The following DLG2 variants were observed in gnomAD, a reference collection of about 807,000 sequenced individuals.
The protein encoded by DLG2 is discs large MAGUK scaffold protein 2, also known as disks large homolog 2.
Under a neutral mutation model 132.5 loss-of-function variants are expected in DLG2, and 45 were observed. The ratio of observed to expected loss-of-function variants is 0.34; its 90% CI spans 0.27 to 0.44. The LOEUF (loss-of-function observed/expected upper bound fraction) is 0.44, where lower values mean the gene tolerates loss of function less well. Among genes scored for constraint, DLG2 ranks in the 20% least tolerant of loss-of-function variants. The pLI is 1.00. For missense variants in DLG2, 1,045 were observed against 1,196.9 expected, an observed-to-expected ratio of 0.87 and a Z score of 1.87; for synonymous variants, 424 against 419.6, an observed-to-expected ratio of 1.01 and a Z score of -0.13.
chr11:84,706,151 C>T (rs1203750624), intron 6 of DLG2, among the ~76,000 whole-genome samples: 3 of 151,728 alleles, frequency 2.0e-5, no homozygotes, highest in African/African-American at 4.8e-5. Context: ...CCTTGGATAG[C>T]GTCCATACCA....
chr11:85,232,266 G>A (rs2075341266), intron 4 of DLG2, among the ~76,000 whole-genome samples: 1 of 151,770 alleles, frequency 6.6e-6, no homozygotes, highest in African/African-American at 2.4e-5. Flanking sequence ...ATAAAAGTAG[G>A]TCTGATATAC....
At chr11:83,490,355 CTGAT>C (rs2093769531) in intron 21 of DLG2, among the ~76,000 whole-genome samples, 1 of 151,896 alleles carries the variant, frequency 6.6e-6, no homozygotes, top group African/African-American at 2.4e-5. Flanking sequence ...TGAGTTCACT[CTGAT>C]TACCAAAAAT....
At chr11:84,978,274 C>T (rs950813870) in intron 6 of DLG2, among the ~76,000 whole-genome samples, 2 of 152,130 alleles carry the variant, frequency 1.3e-5, no homozygotes, top group South Asian at 4.1e-4. Context: ...CATCAAGCTA[C>T]CAATGACTTT....
chr11:83,552,425 A>T (rs1457366815), intron 19 of DLG2, among the ~76,000 whole-genome samples: 1 of 152,160 alleles, frequency 6.6e-6, no homozygotes, highest in Non-Finnish European at 1.5e-5. Context: ...GTTGAGTCTC[A>T]TATGTGCTAT....
rs145772332 is a variant in DLG2 at position 84,991,326 on chromosome 11, T to C, written c.357+120335A>G. On this transcript the variant is annotated intron_variant, in intron 6 of 27. Coordinates refer to ENST00000376104, the MANE Select transcript of DLG2 (RefSeq NM_001142699.3). The stretch of plus-strand genomic sequence containing the variant: ...GGAGTTTGAGATGGCCTGGGCAAAA[T>C]TGCAAAACCCCGTCTCTACAAACAA... 7.5e-4 allele frequency among the ~76,000 whole-genome samples: 114 copies of C among 151,434 alleles called. 1 individual carries two copies. Among genetic ancestry groups the C allele is most frequent in the African/African-American group, 2.3e-3 (97 of 41,318 alleles).
intron 8 of DLG2, among the ~76,000 whole-genome samples, chr11:84,207,519 C>A (rs1358689955): frequency 6.6e-6 from 1 of 151,954 alleles, no homozygotes; most frequent in Non-Finnish European, 1.5e-5. Flanking sequence ...TTGACAAAGG[C>A]GCCAATGGCA....
chr11:84,691,656 CT>C (rs372270141), intron 6 of DLG2, among the ~76,000 whole-genome samples: 11 of 147,488 alleles, frequency 7.5e-5, no homozygotes, highest in African/African-American at 1.5e-4. Flanking sequence ...TTCAGTTTAG[CT>C]TTTTTTTTTC....
intron 5 of DLG2, among the ~76,000 whole-genome samples, chr11:85,147,924 C>T (rs1049378495): frequency 1.3e-5 from 2 of 151,842 alleles, no homozygotes; most frequent in Non-Finnish European, 2.9e-5. Flanking sequence ...CCCTGACTGG[C>T]CCTGGTGTGT....
At chr11:84,211,867 A>C (rs531199350) in intron 8 of DLG2, among the ~76,000 whole-genome samples, 1 of 152,324 alleles carries the variant, frequency 6.6e-6, no homozygotes, top group Non-Finnish European at 1.5e-5. Flanking sequence ...TATTTATCAA[A>C]ATTAGAGTAG....
chr11:84,255,481 G>A (rs1318871388), intron 7 of DLG2, among the ~76,000 whole-genome samples: 4 of 151,984 alleles, frequency 2.6e-5, no homozygotes, highest in Non-Finnish European at 5.9e-5. Context: ...CTGCCACCAC[G>A]CCTGGCTAAT....
intron 18 of DLG2, among the ~76,000 whole-genome samples, chr11:83,683,531 G>A (rs1355190333): frequency 1.3e-5 from 2 of 152,156 alleles, no homozygotes; most frequent in Non-Finnish European, 2.9e-5. Flanking sequence ...AGGATAAAAA[G>A]ATAAGTTTTG....
chr11:83,850,904 C>T (rs912272872), intron 16 of DLG2, among the ~76,000 whole-genome samples: 9 of 152,042 alleles, frequency 5.9e-5, no homozygotes, highest in East Asian at 3.9e-4. Flanking sequence ...AGGCCGGGCG[C>T]GGTGGCTCAC....
At chr11:85,194,653 G>T (rs1436593160) in intron 4 of DLG2, among the ~76,000 whole-genome samples, 2 of 151,480 alleles carry the variant, frequency 1.3e-5, no homozygotes, top group East Asian at 3.9e-4. Flanking sequence ...AGTATGGGAG[G>T]ATTGTGGCAT....
intron 2 of DLG2, among the ~76,000 whole-genome samples, chr11:85,604,177 A>G (rs1224371861): frequency 2.0e-5 from 3 of 152,240 alleles, no homozygotes; most frequent in Non-Finnish European, 4.4e-5. Context: ...AATTTGACAC[A>G]TAAAAAATGC....
At chr11:84,840,542 A>G (rs11069618) in intron 6 of DLG2, among the ~76,000 whole-genome samples, 2 of 152,086 alleles carry the variant, frequency 1.3e-5, no homozygotes, top group African/African-American at 4.8e-5. Context: ...ACATGCACAC[A>G]TATGTTTATT....
At chr11:85,565,067 A>C (rs2077455789) in intron 3 of DLG2, among the ~76,000 whole-genome samples, 2 of 151,960 alleles carry the variant, frequency 1.3e-5, no homozygotes, top group Non-Finnish European at 2.9e-5. Flanking sequence ...CTGTATATTG[A>C]TCTTGTATCC....
intron 11 of DLG2, among the ~76,000 whole-genome samples, chr11:84,008,393 T>C (rs938061694): frequency 6.6e-6 from 1 of 152,066 alleles, no homozygotes; most frequent in Non-Finnish European, 1.5e-5. Context: ...TGTAACAGAA[T>C]GTATGAAGTT....
At chr11:83,966,600 C>T (rs879309024) in intron 12 of DLG2, among the ~76,000 whole-genome samples, 8 of 151,820 alleles carry the variant, frequency 5.3e-5, no homozygotes, top group Non-Finnish European at 1.0e-4. Flanking sequence ...CTAGGTTATC[C>T]GTATCTGGCT....
chr11:85,032,028 C>A (rs1339729938), intron 6 of DLG2, among the ~76,000 whole-genome samples: 1 of 137,668 alleles, frequency 7.3e-6, no homozygotes, highest in African/African-American at 2.8e-5. Flanking sequence ...GTCTTGAACA[C>A]CTAACCTAAA....
Sources: gnomAD v4.1 joint callset for allele counts (sites outside exome capture counted in the v4.1 genomes callset) on GRCh38, gnomAD v4.1.1 for gene constraint, MANE v1.5 for transcripts, NCBI Gene and HGNC (gene_info 2026-07-23, HGNC 2026-07-21) for gene names.